Variants in PPP2R1A observed in about 807,000 individuals in gnomAD.
PPP2R1A encodes serine/threonine-protein phosphatase 2A 65 kDa regulatory subunit A alpha isoform.
A neutral mutation model predicts 67.1 loss-of-function variants in PPP2R1A; 15 were observed. That is an observed-to-expected ratio of 0.22 (90% CI 0.15 to 0.34). PPP2R1A has a LOEUF of 0.34. Ranked by LOEUF, PPP2R1A falls within the 10% of genes least tolerant of loss-of-function variation. The pLI is 1.00. For missense variants in PPP2R1A, 369 were observed against 775.0 expected, an observed-to-expected ratio of 0.48 and a Z score of 6.22; for synonymous variants, 337 against 325.0, an observed-to-expected ratio of 1.04 and a Z score of -0.40.
In PPP2R1A at chr19:52,205,626, T is replaced by C. The variant is rs541287661; in HGVS notation, c.170-337T>C. ...GACCATGCTCTGCGCTTTATACACC[T>C]AGTCATATTTGCTCCTCACTGTAAC... On this transcript the variant is annotated intron_variant, in intron 2 of 14. Transcript: ENST00000322088. 1.3e-4 allele frequency among the ~76,000 whole-genome samples: 20 copies of C among 152,280 alleles called. No homozygotes were observed. In the South Asian group the frequency reaches 3.9e-3, roughly 30 times the overall value.
Position 52,216,862 on chromosome 19 carries a change from T to A in PPP2R1A, c.1128+199T>A, listed in dbSNP as rs77245920. Among the ~76,000 whole-genome samples the A allele has an allele frequency of 6.6e-6, 1 of 152,314 alleles. No homozygotes were observed. Among genetic ancestry groups the A allele is most frequent in the East Asian group, 1.9e-4 (1 of 5,164 alleles). On this transcript the variant is annotated intron_variant, in intron 9 of 14. Coordinates refer to ENST00000322088, the MANE Select transcript of PPP2R1A (RefSeq NM_014225.6). This position sits in a 1 kb window ranked among gnomAD's most constrained non-coding sequence, Gnocchi z 4.3. ...CAGGCACTCTTCATGAGGCCTTTCCTGGACATGGAGGATATGAAAAATAGA... is the reference window on the plus strand; with the variant it reads ...CAGGCACTCTTCATGAGGCCTTTCCAGGACATGGAGGATATGAAAAATAGA...
At chr19:52,220,802 T>TA (rs943506691) in intron 11 of PPP2R1A, among the ~76,000 whole-genome samples, 177 bp from the exon 12 acceptor site, 28 of 151,366 alleles carry the variant, frequency 1.8e-4, no homozygotes, top group East Asian at 3.9e-4. Context: ...AGATACTGTA[T>TA]AAAAAAAAAC....
At chr19:52,192,011 TAAAC>T (rs1482991435) in intron 1 of PPP2R1A, among the ~76,000 whole-genome samples, 1 of 151,700 alleles carries the variant, frequency 6.6e-6, no homozygotes, top group Non-Finnish European at 1.5e-5. Flanking sequence ...AGACAGACAA[TAAAC>T]AGAGTATACT....
chr19:52,221,085 C>A lies in PPP2R1A; in HGVS notation c.1470C>A (p.Ser490=), dbSNP rs187141962. The A allele has an allele frequency of 1.1e-4, 174 of 1,614,088 alleles. No homozygotes were observed. The highest frequency in any genetic ancestry group is 1.4e-4 in the Non-Finnish European group (168 of 1,180,034). Residue 490 remains serine (S), a synonymous_variant, in exon 12 of 15, where the codon TCC becomes TCA. Transcript: ENST00000322088. ...ATIIPKVLAM[S]GDPNYLHRMT... Reference sequence around the variant, plus strand: ...TCATCCCCAAGGTCTTGGCCATGTCCGGAGACCCCAACTACCTGCACCGCA... The same window carrying A: ...TCATCCCCAAGGTCTTGGCCATGTCAGGAGACCCCAACTACCTGCACCGCA...
Position 52,213,108 on chromosome 19 carries a change from G to T in PPP2R1A, c.805G>T (p.Glu269Ter). ...CTACATGGTGGCTGACAAGTTCACAGAGGTAGATGAGCGACCGTTGACATT... is the reference window on the plus strand; with the variant it reads ...CTACATGGTGGCTGACAAGTTCACATAGGTAGATGAGCGACCGTTGACATT... ...VRYMVADKFT[E>*]LQKAVGPEIT... The change falls in exon 6 of 15, where the codon GAG becomes TAG. Residue 269 changes from glutamate (E) to a stop codon, truncating the protein, a stop_gained and splice_region_variant. Transcript: ENST00000322088. LOFTEE classifies it high-confidence loss of function. This position sits in a 1 kb window ranked among gnomAD's most constrained non-coding sequence, Gnocchi z 4.2. 6.4e-7 allele frequency: 1 copy of T among 1,560,164 alleles called. No individual in the cohort carries two copies. Among genetic ancestry groups the T allele is most frequent in the Non-Finnish European group, 8.6e-7 (1 of 1,158,334 alleles).
rs398035011 is a variant in PPP2R1A at position 52,213,457 on chromosome 19, GTTTTTTTTTTT to G, written c.807+367_807+377del. ...GCCCAAAAAGGTGGGGTTTTTTGGT[GTTTTTTTTTTT>G]TTTTTTTTTTTTTTTTTTTAAGATG... On this transcript the variant is annotated intron_variant, in intron 6 of 14. Coordinates refer to ENST00000322088, the MANE Select transcript of PPP2R1A (RefSeq NM_014225.6). This position sits in a 1 kb window ranked among gnomAD's most constrained non-coding sequence, Gnocchi z 4.2. Among the ~76,000 whole-genome samples, 90 of 71,762 alleles carry G rather than the reference GTTTTTTTTTTT, an allele frequency of 1.3e-3. 1 individual carries two copies. Among genetic ancestry groups the G allele is most frequent in the Non-Finnish European group, 1.8e-3 (69 of 37,754 alleles). The allele number at this position is 71,762 out of a possible 152,430, so 47.1% of individuals were successfully genotyped here.
At chr19:52,198,728 G>T (rs1230919425) in intron 1 of PPP2R1A, among the ~76,000 whole-genome samples, 2 of 152,152 alleles carry the variant, frequency 1.3e-5, no homozygotes, top group African/African-American at 4.8e-5. Flanking sequence ...GTATGATATT[G>T]AAATTGAGTC....
At chr19:52,196,205 G>A (rs2089495251) in intron 1 of PPP2R1A, among the ~76,000 whole-genome samples, 1 of 152,152 alleles carries the variant, frequency 6.6e-6, no homozygotes, top group South Asian at 2.1e-4. Context: ...GAATTCTCAG[G>A]ATATGACATG....
At position 52,216,409 on chromosome 19, in the gene PPP2R1A, C is replaced by A; in HGVS notation, c.994-120C>A. ...TTTCCCCTGTACCCTAAGCCATCCCCTGCTCTATGAATGAGAGGGGCAGAA... is the reference window on the plus strand; with the variant it reads ...TTTCCCCTGTACCCTAAGCCATCCCATGCTCTATGAATGAGAGGGGCAGAA... On this transcript the variant is annotated intron_variant, in intron 8 of 14. Transcript: ENST00000322088. This position sits in a 1 kb window ranked among gnomAD's most constrained non-coding sequence, Gnocchi z 4.3. The A allele has an allele frequency of 7.5e-7, 1 of 1,335,080 alleles. No homozygotes were observed. The highest frequency in any genetic ancestry group is 1.3e-5 in the South Asian group (1 of 74,354). 82.7% of individuals were successfully genotyped at this position (1,335,080 alleles called of 1,614,324 possible).
At chr19:52,206,170 CA>C in intron 3 of PPP2R1A, 107 bp downstream of exon 3, 1 of 947,582 alleles carries the variant, frequency 1.1e-6, no homozygotes, top group East Asian at 2.5e-5. Flanking sequence ...GGGATCACGT[CA>C]GAACAGCCGG....
intron 1 of PPP2R1A, among the ~76,000 whole-genome samples, chr19:52,199,127 C>G (rs1450802464): frequency 6.6e-6 from 1 of 152,092 alleles, no homozygotes; most frequent in African/African-American, 2.4e-5. Flanking sequence ...AAATAGGCAA[C>G]TAGGTCAATA....
chr19:52,220,082 T>G, intron 10 of PPP2R1A, 107 bp from the exon 11 acceptor site: 3 of 1,325,376 alleles, frequency 2.3e-6, no homozygotes. Context: ...AGTTGAGAAG[T>G]GTCCGGTCTT....
rs929302438 is a variant in PPP2R1A at position 52,226,997 on chromosome 19, T to A, written c.*1016T>A. 5 of 152,036 alleles carry A rather than the reference T, an allele frequency of 3.3e-5. No homozygotes were observed. The highest frequency in any genetic ancestry group is 1.2e-4 in the African/African-American group (5 of 41,392). 9.4% of individuals were successfully genotyped at this position (152,036 alleles called of 1,614,324 possible). A position where few individuals can be genotyped will look rare whatever the true frequency, so the allele number is the denominator to read the frequency against. On this transcript the variant is annotated 3_prime_UTR_variant, in exon 15 of 15. Coordinates refer to ENST00000322088, the MANE Select transcript of PPP2R1A (RefSeq NM_014225.6). ...CTGTCCCCAGGAGGTCTCAGAGTAA[T>A]CAGGACGGTACTAGGGAGAGAACTG...
intron 3 of PPP2R1A, among the ~76,000 whole-genome samples, chr19:52,208,680 T>C (rs1167216896): frequency 6.6e-6 from 1 of 151,918 alleles, no homozygotes; most frequent in African/African-American, 2.4e-5. Flanking sequence ...TTGTATTTTT[T>C]GTAGAGACAG....
intron 3 of PPP2R1A, among the ~76,000 whole-genome samples, chr19:52,207,125 T>A (rs569222469): frequency 6.6e-6 from 1 of 152,372 alleles, no homozygotes; most frequent in East Asian, 1.9e-4. Flanking sequence ...GTGTATAATT[T>A]GTGCGTATGG....
rs750426851 is a variant in PPP2R1A at position 52,221,106 on chromosome 19, C to T, written c.1491C>T (p.His497=). ...LAMSGDPNYL[H]RMTTLFCINV... ...TGTCCGGAGACCCCAACTACCTGCA[C>T]CGCATGACTACGCTCTTCTGCATCA... The change falls in exon 12 of 15, where the codon CAC becomes CAT. Residue 497 remains histidine, a synonymous_variant. Transcript: ENST00000322088. The T allele has an allele frequency of 5.6e-6, 9 of 1,614,262 alleles. No individual in the cohort carries two copies. Among genetic ancestry groups the T allele is most frequent in the Non-Finnish European group, 7.6e-6 (9 of 1,180,046 alleles).
At chr19:52,221,979 C>G (rs144977888) in intron 12 of PPP2R1A, 120 bp from the exon 13 acceptor site, 864 of 999,796 alleles carry the variant, frequency 8.6e-4, no homozygotes, top group Admixed American at 1.4e-3. Context: ...ACTGAGTCAC[C>G]CGTATTGCTC....
In PPP2R1A at chr19:52,225,995, G is replaced by C; in HGVS notation, c.*14G>C. The C allele has an allele frequency of 6.2e-7, 1 of 1,614,208 alleles. No individual in the cohort carries two copies. The highest frequency in any genetic ancestry group is 1.1e-5 in the South Asian group (1 of 91,082). On this transcript the variant is annotated 3_prime_UTR_variant, in exon 15 of 15. Transcript: ENST00000322088. Reference sequence around the variant, plus strand: ...TCTCTCGCCTGATGCTGGAAGAGGAGCAAACACTGGCCTCTGGTGTCCACC... The same window carrying C: ...TCTCTCGCCTGATGCTGGAAGAGGACCAAACACTGGCCTCTGGTGTCCACC...
At chr19:52,202,926 T>G (rs907849104) in intron 2 of PPP2R1A, among the ~76,000 whole-genome samples, 1 of 152,244 alleles carries the variant, frequency 6.6e-6, no homozygotes, top group Admixed American at 6.5e-5. Context: ...CACTGCTGTT[T>G]GTGAGGATGT....
Sources: allele counts gnomAD v4.1 joint callset (sites outside exome capture counted in the v4.1 genomes callset), GRCh38; gene constraint gnomAD v4.1.1; non-coding constraint Gnocchi (gnomAD v3.1); transcripts MANE v1.5; gene names NCBI Gene and HGNC (gene_info 2026-07-23, HGNC 2026-07-21).